PCM1: variants seen among roughly 807,000 people sequenced by gnomAD.
PCM1 encodes pericentriolar material 1 protein.
Under a neutral mutation model 241.9 loss-of-function variants are expected in PCM1, and 157 were observed. The observed-to-expected ratio is 0.65, with a 90% CI of 0.57 to 0.74. PCM1 has a LOEUF of 0.74. Ranked by LOEUF, PCM1 falls within the 30% of genes least tolerant of loss-of-function variation. The probability of loss-of-function intolerance (pLI) is 0.00; values close to 1 mark genes in which losing one functional copy is unlikely to be tolerated. For missense variants in PCM1, 3,478 were observed against 2,360.1 expected (o/e 1.47, Z -9.81); for synonymous variants, 1,085 against 784.9 (o/e 1.38, Z -6.39).
intron 17 of PCM1, among the ~76,000 whole-genome samples, chr8:17,964,194 C>G (rs2073866223): frequency 6.6e-6 from 1 of 152,108 alleles, no homozygotes. Flanking sequence ...CCATGTGTAC[C>G]TAGTGTCTAC....
chr8:17,954,150 G>C (rs1475524103), intron 9 of PCM1, among the ~76,000 whole-genome samples: 2 of 152,314 alleles, frequency 1.3e-5, no homozygotes, highest in East Asian at 3.9e-4. Flanking sequence ...ATGTGTGGCT[G>C]GGTGTGGTGG....
At chr8:17,946,694 A>G (rs979333417) in intron 6 of PCM1, among the ~76,000 whole-genome samples, 1 of 151,976 alleles carries the variant, frequency 6.6e-6, no homozygotes, top group Non-Finnish European at 1.5e-5. Context: ...ATGGGGTTTC[A>G]TATGTTGGTC....
At position 17,955,448 on chromosome 8, in the gene PCM1, TTTG is replaced by T. The variant is rs2067861136; in HGVS notation, c.1289-14_1289-12del. 13 of 1,525,922 alleles carry T rather than the reference TTTG, an allele frequency of 8.5e-6. No homozygotes were observed. The highest frequency in any genetic ancestry group is 5.2e-5 in the South Asian group (4 of 77,566). 94.5% of individuals were successfully genotyped at this position (1,525,922 alleles called of 1,614,324 possible). A position where few individuals can be genotyped will look rare whatever the true frequency, so the allele number is the denominator to read the frequency against. ...GGTAACTGGTGATTAAAAAAAATTT[TTTG>T]TTGTTGTGCCTTCTTCAGCCTCTCC... On this transcript the variant is annotated intron_variant, in intron 9 of 38. Transcript: ENST00000325083.
intron 2 of PCM1, among the ~76,000 whole-genome samples, chr8:17,930,455 A>C (rs1450193077): frequency 2.0e-5 from 3 of 152,092 alleles, no homozygotes; most frequent in Non-Finnish European, 4.4e-5. Flanking sequence ...TAATGTGTTT[A>C]CAGAATAAAA....
chr8:17,956,733 A>C lies in PCM1; in HGVS notation c.1602A>C (p.Glu534Asp). 6.2e-7 allele frequency: 1 copy of C among 1,609,250 alleles called. No individual in the cohort carries two copies. ...AAGATGAAGAAACTGAAGAGTCAGA[A>C]TATGATTCTGAGCATGAAAATTCCG... is the stretch of plus-strand genomic sequence containing the variant. ...NRKDEETEESEYDSEHENSEP... is the reference protein window; with the variant it reads ...NRKDEETEESDYDSEHENSEP... The change falls in exon 11 of 39, where the codon GAA (glutamate) becomes GAC (aspartate). Residue 534 changes from glutamate to aspartate, a missense_variant. Coordinates refer to ENST00000325083, the MANE Select transcript of PCM1 (RefSeq NM_006197.4).
rs575127505 is a variant in PCM1, at chr8:17,941,099, G to C, written c.783+1238G>C. On this transcript the variant is annotated intron_variant, in intron 6 of 38. Coordinates refer to ENST00000325083, the MANE Select transcript of PCM1 (RefSeq NM_006197.4). ...CTTTTCTCTACATTATTTTCAACAG[G>C]AGATACTTAGAGAGCCTGATCCAAA... 4.8e-4 allele frequency among the ~76,000 whole-genome samples: 73 copies of C among 152,238 alleles called. No homozygotes were observed. The South Asian group carries it at 0.015, about 31-fold the overall frequency.
At chr8:17,992,445 C>CAGG (rs1224274907) in intron 28 of PCM1, among the ~76,000 whole-genome samples, 1 of 152,026 alleles carries the variant, frequency 6.6e-6, no homozygotes, top group Non-Finnish European at 1.5e-5. Context: ...GCCATTCTTG[C>CAGG]AGGAGTAGGA....
intron 36 of PCM1, chr8:18,015,631 T>G (rs774596262): frequency 3.9e-5 from 6 of 152,228 alleles, no homozygotes; most frequent in Non-Finnish European, 7.4e-5. Flanking sequence ...TAAATCTCTT[T>G]TGGTCTGGTG....
rs778275626 is a variant in PCM1, at chr8:17,962,044, C to G, written c.2333C>G (p.Ala778Gly). Residue 778 changes from alanine to glycine, a missense_variant, in exon 16 of 39, where the codon GCT (alanine) becomes GGT (glycine). Physicochemically the swap from Ala to Gly is moderately conservative, Grantham distance 60. Transcript: ENST00000325083. ...TGAATTCCTTTTTAGCTGTCAGCTG[C>G]TAGTGTGGGTAACTGTCCCACCAAA... ...TACPDLQLSA[A>G]SVGNCPTKKY... 6.2e-7 allele frequency: 1 copy of G among 1,609,322 alleles called. No homozygotes were observed. Among genetic ancestry groups the G allele is most frequent in the Non-Finnish European group, 8.5e-7 (1 of 1,177,580 alleles).
intron 24 of PCM1, chr8:17,982,738 C>G (rs1268663834): frequency 6.6e-6 from 1 of 152,352 alleles, no homozygotes; most frequent in East Asian, 1.9e-4. Flanking sequence ...TCGTGATCCG[C>G]CCGCCTCGGC....
intron 29 of PCM1, among the ~76,000 whole-genome samples, chr8:17,999,456 C>G (rs1184165579): frequency 1.3e-5 from 2 of 152,068 alleles, no homozygotes; most frequent in African/African-American, 2.4e-5. Flanking sequence ...AAAATGTCAT[C>G]TTGGAGCTGG....
At chr8:17,965,098 C>T (rs574211644) in intron 18 of PCM1, among the ~76,000 whole-genome samples, 2 of 152,148 alleles carry the variant, frequency 1.3e-5, no homozygotes, top group African/African-American at 2.4e-5. Flanking sequence ...GACTTACTTA[C>T]GTTTCCTCAT....
intron 29 of PCM1, among the ~76,000 whole-genome samples, chr8:18,004,574 T>G (rs1219332759): frequency 6.6e-6 from 1 of 152,060 alleles, no homozygotes; most frequent in Non-Finnish European, 1.5e-5. Flanking sequence ...CAGTAAAGAG[T>G]AGAACTAATA....
intron 6 of PCM1, 128 bp downstream of exon 6, chr8:17,939,989 A>T: frequency 5.4e-6 from 7 of 1,293,524 alleles, no homozygotes; most frequent in Non-Finnish European, 6.5e-6. Context: ...CCATTATAAC[A>T]ATTTATTGCC....
At chr8:17,990,698 T>G (rs1412390875) in intron 27 of PCM1, among the ~76,000 whole-genome samples, 24 of 152,154 alleles carry the variant, frequency 1.6e-4, no homozygotes, top group Admixed American at 1.6e-3. Context: ...GCTTAGTTGA[T>G]AAAATAATGT....
intron 29 of PCM1, among the ~76,000 whole-genome samples, chr8:18,004,964 C>T (rs1210666543): frequency 6.6e-6 from 1 of 152,142 alleles, no homozygotes; most frequent in Non-Finnish European, 1.5e-5. Flanking sequence ...CATCTAGGTA[C>T]ATTCACTTCA....
At chr8:17,976,646 G>A (rs889223829) in intron 23 of PCM1, among the ~76,000 whole-genome samples, 1 of 152,178 alleles carries the variant, frequency 6.6e-6, no homozygotes, top group African/African-American at 2.4e-5. Context: ...TCTCCAGAGT[G>A]CCATGGCTGA....
At chr8:17,977,151 G>T (rs2079052069) in intron 23 of PCM1, among the ~76,000 whole-genome samples, 1 of 151,954 alleles carries the variant, frequency 6.6e-6, no homozygotes, top group African/African-American at 2.4e-5. Flanking sequence ...TTAGATCATT[G>T]TATGTTATTA....
chr8:17,970,053 T>C (rs943029976), intron 22 of PCM1, among the ~76,000 whole-genome samples: 5 of 152,208 alleles, frequency 3.3e-5, no homozygotes, highest in African/African-American at 1.2e-4. Flanking sequence ...GAAACTAATA[T>C]TAACTGCTAG....
Sources: allele counts gnomAD v4.1 joint callset (sites outside exome capture counted in the v4.1 genomes callset), GRCh38; gene constraint gnomAD v4.1.1; transcripts MANE v1.5; gene names NCBI Gene and HGNC (gene_info 2026-07-23, HGNC 2026-07-21).